Variants in PPIL1 observed in about 807,000 individuals in gnomAD.
The protein encoded by PPIL1 is peptidyl-prolyl cis-trans isomerase-like 1.
In PPIL1, 14 loss-of-function variants were observed where a neutral mutation model predicts 19.4. The observed-to-expected ratio is 0.72, with a 90% confidence interval of 0.48 to 1.13. The LOEUF (loss-of-function observed/expected upper bound fraction) is 1.13, where lower values mean the gene tolerates loss of function less well. PPIL1 is among the 50% of genes most tolerant of loss of function. The pLI is 0.00. For synonymous variants in PPIL1, 72 were observed against 73.6 expected, an observed-to-expected ratio of 0.98 and a Z score of 0.11; for missense variants, 192 against 218.0, an observed-to-expected ratio of 0.88 and a Z score of 0.75.
At chr6:36,865,936 C>T (rs913266102) in intron 2 of PPIL1, among the ~76,000 whole-genome samples, 8 of 152,300 alleles carry the variant, frequency 5.3e-5, no homozygotes, top group South Asian at 2.1e-4. Context: ...CTGTTCAACA[C>T]GTTACATTTC....
intron 1 of PPIL1, among the ~76,000 whole-genome samples, chr6:36,873,258 G>A (rs1302833733): frequency 6.6e-6 from 1 of 152,060 alleles, no homozygotes; most frequent in Non-Finnish European, 1.5e-5. Flanking sequence ...AGTGCCTAAG[G>A]ATACAATATG....
At chr6:36,859,559 T>A (rs1474280809) in intron 2 of PPIL1, among the ~76,000 whole-genome samples, 1 of 152,032 alleles carries the variant, frequency 6.6e-6, no homozygotes, top group Non-Finnish European at 1.5e-5. Flanking sequence ...TATCTTTTCA[T>A]AACCCAATTC....
At chr6:36,856,692 A>G in intron 2 of PPIL1, 38 bp from the exon 3 acceptor site, 1 of 1,583,656 alleles carries the variant, frequency 6.3e-7, no homozygotes, top group Non-Finnish European at 8.7e-7. Context: ...TCAGCCAGTC[A>G]CACATTCTAT....
chr6:36,862,885 G>A (rs970795112), intron 2 of PPIL1, among the ~76,000 whole-genome samples: 2 of 152,240 alleles, frequency 1.3e-5, no homozygotes, highest in Non-Finnish European at 2.9e-5. Context: ...TTGTGGTTCT[G>A]AAGATGCTGT....
At chr6:36,860,680 A>G (rs1774266932) in intron 2 of PPIL1, among the ~76,000 whole-genome samples, 1 of 150,744 alleles carries the variant, frequency 6.6e-6, no homozygotes, top group Non-Finnish European at 1.5e-5. Context: ...AAAGAATCAC[A>G]TTTTCCTCTC....
intron 2 of PPIL1, among the ~76,000 whole-genome samples, chr6:36,861,683 T>G (rs1035388928): frequency 1.1e-4 from 17 of 150,696 alleles, no homozygotes; most frequent in Admixed American, 1.0e-3. Context: ...GATCTGTGTT[T>G]TTTTTTTTTT....
intron 2 of PPIL1, among the ~76,000 whole-genome samples, chr6:36,870,797 G>A (rs1774493859): frequency 6.6e-6 from 1 of 152,030 alleles, no homozygotes; most frequent in African/African-American, 2.4e-5. Context: ...GCTAATTTTT[G>A]TATTTTAGTA....
Position 36,871,752 on chromosome 6 carries a change from G to T in PPIL1, c.177C>A (p.Asp59Glu). 1.2e-6 allele frequency: 2 copies of T among 1,610,590 alleles called. No homozygotes were observed. Among genetic ancestry groups the T allele is most frequent in the Non-Finnish European group, 1.7e-6 (2 of 1,178,626 alleles). Residue 59 changes from aspartate (D) to glutamate (E), a missense_variant, in exon 2 of 4, where the codon GAC (aspartate) becomes GAA (glutamate). Asp to Glu is a conservative substitution (Grantham distance 45). Transcript: ENST00000373699. ...NGTKFHRIIK[D>E]FMIQGGDPTG... ...TTGGGTCACCTCCTTGGATCATGAA[G>T]TCTTTGATAATTCTGTGGAATTTTG...
chr6:36,858,896 G>A (rs1774221997), intron 2 of PPIL1, among the ~76,000 whole-genome samples: 1 of 152,170 alleles, frequency 6.6e-6, no homozygotes, highest in Non-Finnish European at 1.5e-5. Flanking sequence ...AGACTAGGGA[G>A]AGGGCTGTGG....
At chr6:36,872,835 C>A (rs779225974) in intron 1 of PPIL1, among the ~76,000 whole-genome samples, 2 of 152,138 alleles carry the variant, frequency 1.3e-5, no homozygotes, top group African/African-American at 2.4e-5. Flanking sequence ...GTCTTGAACT[C>A]CTGGGCTCAA....
At chr6:36,865,394 G>A (rs1053919322) in intron 2 of PPIL1, among the ~76,000 whole-genome samples, 4 of 152,190 alleles carry the variant, frequency 2.6e-5, no homozygotes, top group African/African-American at 4.8e-5. Context: ...AGGCAGTTCC[G>A]AGATCTGTAA....
rs979934308 is a variant in PPIL1 at position 36,859,302 on chromosome 6, G to A, written c.212-2648C>T. 2.0e-5 allele frequency among the ~76,000 whole-genome samples: 3 copies of A among 151,888 alleles called. No individual in the cohort carries two copies. In the South Asian group the frequency reaches 6.2e-4, roughly 32 times the overall value. On this transcript the variant is annotated intron_variant, in intron 2 of 3. Coordinates refer to ENST00000373699, the MANE Select transcript of PPIL1 (RefSeq NM_016059.5). Reference sequence around the variant, plus strand: ...TAGCCAGGCGTGGTGGCACGTGCCTGTAATCCCAGCTACTTGGGAGGCTGA... The same window carrying A: ...TAGCCAGGCGTGGTGGCACGTGCCTATAATCCCAGCTACTTGGGAGGCTGA...
At chr6:36,863,539 A>G (rs1774333834) in intron 2 of PPIL1, among the ~76,000 whole-genome samples, 1 of 152,188 alleles carries the variant, frequency 6.6e-6, no homozygotes, top group African/African-American at 2.4e-5. Flanking sequence ...CATTCCTGTC[A>G]GCATTTAAAC....
In PPIL1 at chr6:36,855,970, GTCACAAAGAACT is replaced by G. The variant is rs1774159100; in HGVS notation, c.332_343del (p.Gln111_Thr115delinsPro). ...GTCAAGCCACTGGGTGGGGGCGAGG[GTCACAAAGAACT>G]GGCTGCCATTGGTATCTGGCCCCGC... On this transcript the variant is annotated inframe_deletion, in exon 4 of 4. Coordinates refer to ENST00000373699, the MANE Select transcript of PPIL1 (RefSeq NM_016059.5). 6.2e-7 allele frequency: 1 copy of G among 1,614,216 alleles called. No homozygotes were observed. Among genetic ancestry groups the G allele is most frequent in the Non-Finnish European group, 8.5e-7 (1 of 1,180,032 alleles).
intron 2 of PPIL1, among the ~76,000 whole-genome samples, chr6:36,859,424 CA>C (rs36097489): frequency 0.24 from 17,770 of 73,112 alleles, 573 homozygotes; most frequent in South Asian, 0.3. Flanking sequence ...GACCCTGTCT[CA>C]AAAAAAAAAA....
intron 2 of PPIL1, among the ~76,000 whole-genome samples, chr6:36,863,907 T>C (rs1774341499): frequency 1.3e-5 from 2 of 151,920 alleles, no homozygotes; most frequent in African/African-American, 4.8e-5. Flanking sequence ...TGGCAGCTGC[T>C]CCTCCTCCGC....
Position 36,855,922 on chromosome 6 carries a change from C to T in PPIL1, c.392G>A (p.Arg131Gln), listed in dbSNP as rs765668519. ...CACCATTCCTATGCCCTGACACACTCGGCCAAAAATGGTGTGTTTGCCGTC... is the reference window on the plus strand; with the variant it reads ...CACCATTCCTATGCCCTGACACACTTGGCCAAAAATGGTGTGTTTGCCGTC... ...WLDGKHTIFG[R>Q]VCQGIGMVNR... Residue 131 changes from arginine to glutamine, a missense_variant, in exon 4 of 4, where the codon CGA (arginine) becomes CAA (glutamine). By Grantham distance (43) the Arg-to-Gln change is conservative. Coordinates refer to ENST00000373699, the MANE Select transcript of PPIL1 (RefSeq NM_016059.5). 7.4e-6 allele frequency: 12 copies of T among 1,614,066 alleles called. No individual in the cohort carries two copies. The East Asian group carries it at 2.2e-4, about 30-fold the overall frequency.
chr6:36,872,751 G>A (rs1774541686), intron 1 of PPIL1, among the ~76,000 whole-genome samples: 1 of 152,160 alleles, frequency 6.6e-6, no homozygotes, highest in Non-Finnish European at 1.5e-5. Context: ...GGGACTACAG[G>A]CATGCATCAC....
At chr6:36,856,874 C>T (rs749096168) in intron 2 of PPIL1, among the ~76,000 whole-genome samples, 5 of 152,178 alleles carry the variant, frequency 3.3e-5, no homozygotes, top group Admixed American at 6.5e-5. Flanking sequence ...CAAAATAACG[C>T]TATTTTTTCC....
Sources: allele counts gnomAD v4.1 joint callset (sites outside exome capture counted in the v4.1 genomes callset), GRCh38; gene constraint gnomAD v4.1.1; transcripts MANE v1.5; gene names NCBI Gene and HGNC (gene_info 2026-07-23, HGNC 2026-07-21).